MSN: variants seen among roughly 807,000 people sequenced by gnomAD.
The protein encoded by MSN is moesin, also known as epididymis luminal protein 70.
A neutral mutation model predicts 48.0 loss-of-function variants in MSN; 2 were observed. That is an observed-to-expected ratio of 0.04 (90% CI 0.02 to 0.13). MSN has a LOEUF of 0.13. MSN is among the 10% of genes least tolerant of loss of function. The pLI is 1.00. For synonymous variants in MSN, 146 were observed against 166.9 expected, an observed-to-expected ratio of 0.87 and a Z score of 0.97; for missense variants, 267 against 470.1, an observed-to-expected ratio of 0.57 and a Z score of 3.99.
intron 1 of MSN, among the ~76,000 whole-genome samples, chrX:65,681,552 A>G (rs774200109): frequency 3.3e-4 from 37 of 112,537 alleles, no homozygotes; most frequent in African/African-American, 1.1e-3. Flanking sequence ...CAGGTGTATT[A>G]GCACCTATGG....
At chrX:65,648,410 G>A (rs747162290) in intron 1 of MSN, among the ~76,000 whole-genome samples, 21 of 110,974 alleles carry the variant, frequency 1.9e-4, no homozygotes, top group African/African-American at 4.9e-4. Context: ...AAAATTAGCC[G>A]GGCGTGGTCG....
chrX:65,711,544 A>G (rs2071415876), intron 1 of MSN, among the ~76,000 whole-genome samples: 1 of 112,524 alleles, frequency 8.9e-6, no homozygotes, highest in South Asian at 3.6e-4. Context: ...ATATTTCTCA[A>G]AATATTATTT....
chrX:65,737,295 T>C lies in MSN; in HGVS notation c.1208T>C (p.Leu403Ser). ...RQEAEEAKEA[L>S]LQASRDQKKT... ...GAAGCTGAAGAGGCCAAGGAGGCCT[T>C]GCTGCAGGCCTCCCGGGACCAGAAA... Residue 403 changes from leucine (L) to serine (S), a missense_variant, in exon 10 of 13, where the codon TTG (leucine) becomes TCG (serine). By Grantham distance (145) the Leu-to-Ser change is moderately radical (BLOSUM62 -2). Around this residue, in one of 5 missense-constraint regions of MSN, gnomAD observed 70 missense variants for 76.3 expected, o/e 0.92. Transcript: ENST00000360270. 3.3e-6 allele frequency: 4 copies of C among 1,211,218 alleles called. No homozygotes were observed. Among genetic ancestry groups the C allele is most frequent in the Non-Finnish European group, 4.5e-6 (4 of 895,202 alleles).
intron 1 of MSN, among the ~76,000 whole-genome samples, chrX:65,624,135 A>G (rs2070481148): frequency 9.1e-6 from 1 of 109,679 alleles, no homozygotes; most frequent in Non-Finnish European, 1.9e-5. Context: ...CTGGAGTGCA[A>G]TGGCTTAATC....
chrX:65,643,074 C>A (rs185669805), intron 1 of MSN, among the ~76,000 whole-genome samples: 2 of 111,186 alleles, frequency 1.8e-5, no homozygotes, highest in East Asian at 2.8e-4. Context: ...CTCTTCCCTT[C>A]TTCTGAGTCA....
intron 1 of MSN, among the ~76,000 whole-genome samples, chrX:65,641,582 ATATATATATATATATATATT>A (rs2070652978): frequency 1.4e-5 from 1 of 72,342 alleles, no homozygotes; most frequent in African/African-American, 5.2e-5. Context: ...ATATATATAT[ATATATATATATATATATATT>A]TTAGCATATT....
chrX:65,610,077 G>A (rs1223152386), intron 1 of MSN, among the ~76,000 whole-genome samples: 1 of 111,153 alleles, frequency 9.0e-6, no homozygotes, highest in African/African-American at 3.3e-5. Flanking sequence ...TTCCTTTTTG[G>A]TATTTTTTTA....
intron 1 of MSN, among the ~76,000 whole-genome samples, chrX:65,706,836 G>A (rs73522192): frequency 0.036 from 4,042 of 111,688 alleles, 202 homozygotes; most frequent in African/African-American, 0.13. Flanking sequence ...CTGCCTCTAT[G>A]CACTTCAGTT....
intron 1 of MSN, among the ~76,000 whole-genome samples, chrX:65,671,314 T>C (rs1257758074): frequency 2.7e-5 from 3 of 110,265 alleles, no homozygotes; most frequent in Non-Finnish European, 5.7e-5. Context: ...TAGCCATAGA[T>C]CAACAGATCA....
chrX:65,639,546 G>A (rs748502270), intron 1 of MSN, among the ~76,000 whole-genome samples: 1 of 112,031 alleles, frequency 8.9e-6, no homozygotes, highest in South Asian at 3.7e-4. Flanking sequence ...AGGGAAGTGG[G>A]AAGGGTGTGG....
intron 1 of MSN, among the ~76,000 whole-genome samples, chrX:65,601,811 T>C (rs2070238379): frequency 8.9e-6 from 1 of 112,488 alleles, no homozygotes; most frequent in Admixed American, 9.4e-5. Flanking sequence ...TTTCTTCACT[T>C]CCTCAGTCTA....
intron 11 of MSN, 73 bp downstream of exon 11, chrX:65,738,690 C>G: frequency 9.9e-7 from 1 of 1,005,952 alleles, no homozygotes; most frequent in Admixed American, 2.7e-5. Context: ...TCCTTAGATT[C>G]CTTATGTTTT....
At chrX:65,724,148 T>TC (rs1491280369) in intron 2 of MSN, among the ~76,000 whole-genome samples, 16 of 97,813 alleles carry the variant, frequency 1.6e-4, no homozygotes, top group Non-Finnish European at 2.0e-4. Context: ...TCTCTCTCTC[T>TC]TTTTTTTTTT....
rs189521395 is a variant in MSN at position 65,623,744 on chromosome X, G to A, written c.-22+35132G>A. ...GGAGAATAACTGGAACCCGGGAGGC[G>A]GAGGTTGCAGTGAGCCAAAATCGTG... On this transcript the variant is annotated intron_variant, in intron 1 of 3. Transcript: ENST00000609672. 5.6e-3 allele frequency among the ~76,000 whole-genome samples: 603 copies of A among 108,554 alleles called. 20 individuals are homozygous for A. Among genetic ancestry groups the A allele is most frequent in the African/African-American group, 0.019 (557 of 29,270 alleles). 94.3% of individuals were successfully genotyped at this position (108,554 alleles called of 115,157 possible). A position where few individuals can be genotyped will look rare whatever the true frequency, so the allele number is the denominator to read the frequency against.
chrX:65,740,090 C>T lies in MSN; in HGVS notation c.*197C>T. On this transcript the variant is annotated 3_prime_UTR_variant, in exon 13 of 13. Coordinates refer to ENST00000360270, the MANE Select transcript of MSN (RefSeq NM_002444.3). The stretch of plus-strand genomic sequence containing the variant: ...CTTCCCTGGGCAAATGAATGGCTCA[C>T]TATGGTGCCAATGGAACCTCCTTTC... 1 of 369,792 alleles carries T rather than the reference C, an allele frequency of 2.7e-6. No individual in the cohort carries two copies. Among genetic ancestry groups the T allele is most frequent in the Admixed American group, 4.7e-5 (1 of 21,439 alleles). 30.5% of individuals were successfully genotyped at this position (369,792 alleles called of 1,213,427 possible). A position where few individuals can be genotyped will look rare whatever the true frequency, so the allele number is the denominator to read the frequency against.
chrX:65,693,277 A>AT (rs1159812318), intron 1 of MSN, among the ~76,000 whole-genome samples: 1 of 111,848 alleles, frequency 8.9e-6, no homozygotes, highest in Non-Finnish European at 1.9e-5. Flanking sequence ...GGGTTCATTG[A>AT]TTTTTTGAAG....
intron 1 of MSN, among the ~76,000 whole-genome samples, chrX:65,626,574 T>A (rs1357543797): frequency 2.7e-5 from 3 of 111,362 alleles, no homozygotes; most frequent in Admixed American, 9.6e-5. Flanking sequence ...TATGTTCAGC[T>A]GGTGTTTTCA....
chrX:65,603,491 A>G (rs2070254514), intron 1 of MSN, among the ~76,000 whole-genome samples: 1 of 111,775 alleles, frequency 8.9e-6, no homozygotes, highest in African/African-American at 3.3e-5. Context: ...GCACCTGGAA[A>G]TGACAGATCC....
At chrX:65,733,102 T>C (rs2071639796) in intron 6 of MSN, 82 bp from the exon 7 acceptor site, 2 of 653,566 alleles carry the variant, frequency 3.1e-6, no homozygotes, top group Non-Finnish European at 2.4e-6. Flanking sequence ...AGCTTGGAGG[T>C]GACAGTGAGG....
Sources: allele counts gnomAD v4.1 joint callset (sites outside exome capture counted in the v4.1 genomes callset), GRCh38; gene constraint gnomAD v4.1.1; regional missense constraint gnomAD v4.1.1; transcripts MANE v1.5; gene names NCBI Gene and HGNC (gene_info 2026-07-23, HGNC 2026-07-21).